PDGFD: variants seen among roughly 807,000 people sequenced by gnomAD.
The protein encoded by PDGFD is platelet derived growth factor D.
A neutral mutation model predicts 44.7 loss-of-function variants in PDGFD; 30 were observed. The observed-to-expected ratio is 0.67, with a 90% confidence interval of 0.50 to 0.91. PDGFD has a LOEUF of 0.91. Ranked by LOEUF, PDGFD falls within the 40% of genes least tolerant of loss-of-function variation. The pLI is 0.00. For synonymous variants in PDGFD, 173 were observed against 168.4 expected, an observed-to-expected ratio of 1.03 and a Z score of -0.21; for missense variants, 445 against 457.8, an observed-to-expected ratio of 0.97 and a Z score of 0.25.
intron 3 of PDGFD, among the ~76,000 whole-genome samples, chr11:103,978,849 A>C (rs1168645443): frequency 4.6e-5 from 7 of 152,092 alleles, no homozygotes; most frequent in Non-Finnish European, 1.0e-4. Flanking sequence ...CAGTGAGCTC[A>C]ATGCTATTAA....
At chr11:103,972,417 AC>A (rs1354947947) in intron 3 of PDGFD, among the ~76,000 whole-genome samples, 3 of 152,108 alleles carry the variant, frequency 2.0e-5, no homozygotes, top group African/African-American at 7.2e-5. Context: ...AAGAAGAGCT[AC>A]CTGTCTCATT....
intron 1 of PDGFD, among the ~76,000 whole-genome samples, chr11:104,002,941 G>A (rs1859642229): frequency 6.6e-6 from 1 of 152,090 alleles, no homozygotes; most frequent in Non-Finnish European, 1.5e-5. Context: ...TCTATCTCAG[G>A]TATTCAGATT....
chr11:103,968,156 A>C (rs1159610753), intron 3 of PDGFD, among the ~76,000 whole-genome samples: 2 of 151,896 alleles, frequency 1.3e-5, no homozygotes, highest in African/African-American at 2.4e-5. Flanking sequence ...TTCTCCTTTT[A>C]TCTCTCTATG....
In PDGFD at chr11:104,100,667, A is replaced by G. The variant is rs1861363806; in HGVS notation, c.124+63137T>C. Among the ~76,000 whole-genome samples, 3 of 152,202 alleles carry G rather than the reference A, an allele frequency of 2.0e-5. No homozygotes were observed. In the South Asian group the frequency reaches 6.2e-4, roughly 31 times the overall value. Reference sequence around the variant, plus strand: ...ACAAAAAAAAGAGAATTTTAGACCAATATCCCTGATGAACATCGATGCAAA... The same window carrying G: ...ACAAAAAAAAGAGAATTTTAGACCAGTATCCCTGATGAACATCGATGCAAA... On this transcript the variant is annotated intron_variant, in intron 1 of 6. Coordinates refer to ENST00000393158, the MANE Select transcript of PDGFD (RefSeq NM_025208.5).
At chr11:104,068,767 C>T (rs2134419350) in intron 1 of PDGFD, among the ~76,000 whole-genome samples, 1 of 152,086 alleles carries the variant, frequency 6.6e-6, no homozygotes, top group South Asian at 2.1e-4. Context: ...TACTCTTTAT[C>T]AAGATTTTAA....
At chr11:104,087,021 C>CAT (rs1461276482) in intron 1 of PDGFD, among the ~76,000 whole-genome samples, 1 of 103,206 alleles carries the variant, frequency 9.7e-6, no homozygotes. Flanking sequence ...GGCTCTTAGT[C>CAT]TTTTTTTTTT....
At chr11:104,080,934 G>A (rs1283261616) in intron 1 of PDGFD, among the ~76,000 whole-genome samples, 3 of 152,116 alleles carry the variant, frequency 2.0e-5, no homozygotes, top group Non-Finnish European at 4.4e-5. Flanking sequence ...GTACCATCCT[G>A]CCAGCTATAT....
At chr11:103,920,737 C>T (rs10750677) in intron 6 of PDGFD, among the ~76,000 whole-genome samples, 57,368 of 151,970 alleles carry the variant, frequency 0.38, 10,924 homozygotes, top group East Asian at 0.45. Flanking sequence ...ACCCAGTATC[C>T]CCAGGTGGTA....
chr11:104,028,382 G>A (rs1199835006), intron 1 of PDGFD, among the ~76,000 whole-genome samples: 1 of 150,892 alleles, frequency 6.6e-6, no homozygotes, highest in Non-Finnish European at 1.5e-5. Flanking sequence ...CCATCCCTAC[G>A]AACACAAATT....
At chr11:104,043,924 A>G (rs1050170126) in intron 1 of PDGFD, among the ~76,000 whole-genome samples, 15 of 152,308 alleles carry the variant, frequency 9.8e-5, no homozygotes, top group East Asian at 5.8e-4. Flanking sequence ...TCAACATGAG[A>G]TTTGGAGAGG....
intron 3 of PDGFD, among the ~76,000 whole-genome samples, chr11:103,969,474 G>T (rs962884116): frequency 2.0e-4 from 18 of 89,800 alleles, no homozygotes; most frequent in South Asian, 1.4e-3. Flanking sequence ...ACCAAGCCTG[G>T]TTTTTTTTTT....
At chr11:103,990,287 T>C (rs1008654500) in intron 3 of PDGFD, among the ~76,000 whole-genome samples, 14 of 152,158 alleles carry the variant, frequency 9.2e-5, no homozygotes, top group Non-Finnish European at 1.9e-4. Flanking sequence ...TAGCAATTGC[T>C]CTCCTTTTGC....
chr11:104,057,661 C>A (rs1456333971), intron 1 of PDGFD, among the ~76,000 whole-genome samples: 1 of 151,890 alleles, frequency 6.6e-6, no homozygotes, highest in Non-Finnish European at 1.5e-5. Context: ...GCACATGTAC[C>A]CCCTGAATCT....
intron 1 of PDGFD, among the ~76,000 whole-genome samples, chr11:104,075,622 G>T (rs937220464): frequency 6.6e-6 from 1 of 152,014 alleles, no homozygotes; most frequent in Non-Finnish European, 1.5e-5. Context: ...ACCCCAAGTA[G>T]TTAGGACTAC....
intron 1 of PDGFD, among the ~76,000 whole-genome samples, chr11:104,152,184 TAAGG>T (rs886742687): frequency 6.6e-6 from 1 of 152,184 alleles, no homozygotes; most frequent in African/African-American, 2.4e-5. Context: ...ATAAAAACTA[TAAGG>T]CCACAGTGGT....
At chr11:104,087,741 A>G (rs1565331079) in intron 1 of PDGFD, among the ~76,000 whole-genome samples, 1 of 152,208 alleles carries the variant, frequency 6.6e-6, no homozygotes, top group Non-Finnish European at 1.5e-5. Flanking sequence ...AAACATGAAG[A>G]AACCACTTCT....
chr11:104,071,740 C>A (rs1860879990), intron 1 of PDGFD, among the ~76,000 whole-genome samples: 1 of 151,438 alleles, frequency 6.6e-6, no homozygotes, highest in Non-Finnish European at 1.5e-5. Context: ...CCTTTCCATA[C>A]AAATTCAGAT....
chr11:104,071,812 G>A (rs1860881641), intron 1 of PDGFD, among the ~76,000 whole-genome samples: 1 of 151,090 alleles, frequency 6.6e-6, no homozygotes, highest in Non-Finnish European at 1.5e-5. Flanking sequence ...TTTTTACTTT[G>A]TCCGGTGGTT....
intron 1 of PDGFD, among the ~76,000 whole-genome samples, chr11:104,124,989 G>C (rs2119824307): frequency 6.6e-6 from 1 of 152,206 alleles, no homozygotes; most frequent in Non-Finnish European, 1.5e-5. Context: ...TACAACAAAG[G>C]AGGACTCTGA....
Sources: allele counts gnomAD v4.1 joint callset (sites outside exome capture counted in the v4.1 genomes callset), GRCh38; gene constraint gnomAD v4.1.1; transcripts MANE v1.5; gene names NCBI Gene and HGNC (gene_info 2026-07-23, HGNC 2026-07-21).